The following CCSER2 variants were observed in gnomAD, a reference collection of about 807,000 sequenced individuals.
CCSER2 encodes serine-rich coiled-coil domain-containing protein 2.
Under a neutral mutation model 92.3 loss-of-function variants are expected in CCSER2, and 46 were observed. The observed-to-expected ratio is 0.50, with a 90% CI of 0.39 to 0.64. The LOEUF is 0.64. Among genes scored for constraint, CCSER2 ranks in the 30% least tolerant of loss-of-function variants. The pLI is 0.00. For synonymous variants in CCSER2, 433 were observed against 431.4 expected, an observed-to-expected ratio of 1.00 and a Z score of -0.04; for missense variants, 1,244 against 1,238.9, an observed-to-expected ratio of 1.00 and a Z score of -0.06.
At chr10:84,462,887 G>T (rs903931884) in intron 6 of CCSER2, among the ~76,000 whole-genome samples, 1 of 152,188 alleles carries the variant, frequency 6.6e-6, no homozygotes, top group Admixed American at 6.5e-5. Context: ...AACCAGAAAA[G>T]ATATATCTGA....
intron 9 of CCSER2, among the ~76,000 whole-genome samples, chr10:84,487,291 G>A (rs916128251): frequency 2.0e-5 from 3 of 152,142 alleles, no homozygotes; most frequent in Non-Finnish European, 4.4e-5. Flanking sequence ...AAAGTAATTG[G>A]TAGCTTGATG....
chr10:84,486,206 G>A (rs1239193985), intron 9 of CCSER2, among the ~76,000 whole-genome samples: 3 of 152,176 alleles, frequency 2.0e-5, no homozygotes, highest in African/African-American at 7.2e-5. Context: ...GTAAACATAC[G>A]TGTGCATGTG....
chr10:84,467,976 C>T (rs967210008), intron 7 of CCSER2, among the ~76,000 whole-genome samples: 1 of 152,064 alleles, frequency 6.6e-6, no homozygotes, highest in Non-Finnish European at 1.5e-5. Context: ...TAAAATTTGT[C>T]CTCTAAACAC....
chr10:84,461,168 ACTT>A (rs564294455), intron 6 of CCSER2, among the ~76,000 whole-genome samples: 119 of 152,052 alleles, frequency 7.8e-4, no homozygotes, highest in African/African-American at 2.8e-3. Context: ...TTTTCTTGAG[ACTT>A]CTTCTTTGAC....
intron 5 of CCSER2, among the ~76,000 whole-genome samples, chr10:84,432,413 C>T (rs1264890205): frequency 6.6e-6 from 1 of 152,134 alleles, no homozygotes; most frequent in East Asian, 1.9e-4. Flanking sequence ...TCTTTCCCTC[C>T]CCTGTCTAGT....
intron 1 of CCSER2, among the ~76,000 whole-genome samples, chr10:84,347,809 C>A (rs556014170): frequency 6.6e-6 from 1 of 151,510 alleles, no homozygotes; most frequent in Non-Finnish European, 1.5e-5. Flanking sequence ...CCTCACCTCC[C>A]AGACGGGGTC....
chr10:84,387,524 G>A (rs1242097314), intron 3 of CCSER2, among the ~76,000 whole-genome samples: 2 of 151,946 alleles, frequency 1.3e-5, no homozygotes, highest in East Asian at 1.9e-4. Context: ...CTGCACTGAA[G>A]TAATTTTAAT....
intron 8 of CCSER2, chr10:84,473,012 T>C (rs1306093533): frequency 6.6e-6 from 1 of 152,208 alleles, no homozygotes; most frequent in East Asian, 1.9e-4. Context: ...TTTTTTTCTT[T>C]TTGTATTGAT....
At chr10:84,363,952 T>C (rs1337253280) in intron 1 of CCSER2, among the ~76,000 whole-genome samples, 1 of 152,234 alleles carries the variant, frequency 6.6e-6, no homozygotes, top group Non-Finnish European at 1.5e-5. Flanking sequence ...ACTATCTTGC[T>C]TATAGGCTAC....
At chr10:84,377,082 GT>G (rs2133195867) in intron 3 of CCSER2, among the ~76,000 whole-genome samples, 1 of 152,152 alleles carries the variant, frequency 6.6e-6, no homozygotes, top group South Asian at 2.1e-4. Context: ...ATATGTAGAT[GT>G]TTGTATTCAT....
At chr10:84,373,557 T>TATTTTTAGGTGCTA (rs1846180114) in intron 2 of CCSER2, 62 bp from the exon 3 acceptor site, 6 of 1,293,868 alleles carry the variant, frequency 4.6e-6, no homozygotes, top group Non-Finnish European at 6.5e-6. Context: ...TTAGCACTTA[T>TATTTTTAGGTGCTA]ATTTTTAGGA....
chr10:84,406,699 G>A (rs1185225608), intron 3 of CCSER2, among the ~76,000 whole-genome samples: 1 of 152,192 alleles, frequency 6.6e-6, no homozygotes, highest in South Asian at 2.1e-4. Flanking sequence ...AGGAAAACAG[G>A]TCTATATGGA....
At chr10:84,373,506 C>CT (rs915050844) in intron 2 of CCSER2, 113 bp from the exon 3 acceptor site, 6 of 779,560 alleles carry the variant, frequency 7.7e-6, no homozygotes, top group Non-Finnish European at 1.2e-5. Flanking sequence ...GTTATGAGTG[C>CT]TTTTTTTGAG....
intron 9 of CCSER2, chr10:84,507,227 G>A (rs1849106417): frequency 1.4e-6 from 1 of 708,610 alleles, no homozygotes; most frequent in Admixed American, 6.3e-5. Context: ...TTGGTGTTGT[G>A]TGTGGTCTCT....
intron 3 of CCSER2, among the ~76,000 whole-genome samples, chr10:84,378,865 A>G (rs752699844): frequency 6.6e-6 from 1 of 152,162 alleles, no homozygotes; most frequent in Non-Finnish European, 1.5e-5. Context: ...ATGCCACTAT[A>G]CCCAGCTCTG....
intron 9 of CCSER2, among the ~76,000 whole-genome samples, chr10:84,484,387 A>C (rs1321940506): frequency 6.6e-6 from 1 of 152,076 alleles, no homozygotes; most frequent in African/African-American, 2.4e-5. Context: ...TGCTGGGACC[A>C]CAGGCATGAG....
chr10:84,396,969 TGAC>T (rs1841878370), intron 3 of CCSER2, among the ~76,000 whole-genome samples: 1 of 152,258 alleles, frequency 6.6e-6, no homozygotes, highest in Non-Finnish European at 1.5e-5. Flanking sequence ...ACTGCCGTAA[TGAC>T]TATGCTAGTA....
chr10:84,475,585 T>C (rs1165942812), intron 8 of CCSER2, among the ~76,000 whole-genome samples: 1 of 152,182 alleles, frequency 6.6e-6, no homozygotes, highest in East Asian at 1.9e-4. Flanking sequence ...CCATTATAGG[T>C]TGAAAATAAT....
chr10:84,395,733 A>AAC (rs1487775036), intron 3 of CCSER2, among the ~76,000 whole-genome samples: 2 of 152,200 alleles, frequency 1.3e-5, no homozygotes, highest in Non-Finnish European at 2.9e-5. Context: ...ATAGCATGAT[A>AAC]ACATTAGACC....
Sources: gnomAD v4.1 joint callset for allele counts (sites outside exome capture counted in the v4.1 genomes callset) on GRCh38, gnomAD v4.1.1 for gene constraint, MANE v1.5 for transcripts, NCBI Gene and HGNC (gene_info 2026-07-23, HGNC 2026-07-21) for gene names.